The following FRMD6 variants were observed in gnomAD, a reference collection of about 807,000 sequenced individuals.
FRMD6 encodes the protein FERM domain-containing protein 6.
FRMD6 carries 37 observed loss-of-function variants against 73.2 expected under a neutral mutation model. The observed-to-expected ratio is 0.51, with a 90% CI of 0.39 to 0.66. The LOEUF (loss-of-function observed/expected upper bound fraction) is 0.66. Ranked by LOEUF, FRMD6 falls within the 30% of genes least tolerant of loss-of-function variation. The pLI is 0.00. For missense variants in FRMD6, 714 were observed against 780.5 expected, an observed-to-expected ratio of 0.91 and a Z score of 1.02; for synonymous variants, 273 against 282.2, an observed-to-expected ratio of 0.97 and a Z score of 0.33.
At chr14:51,618,701 C>T (rs1315774144) in intron 2 of FRMD6, among the ~76,000 whole-genome samples, 1 of 151,924 alleles carries the variant, frequency 6.6e-6, no homozygotes, top group Admixed American at 6.6e-5. Flanking sequence ...TGGAGTAGCC[C>T]CTGGCTAAAA....
At chr14:51,647,195 A>G (rs190538805), upstream of FRMD6, among the ~76,000 whole-genome samples, 1 of 152,206 alleles carries the variant, frequency 6.6e-6, no homozygotes, top group Non-Finnish European at 1.5e-5. Flanking sequence ...AGGAGAATAG[A>G]ATTTAATGAA....
chr14:51,398,430 C>G, the FRMD6 span, among the ~76,000 whole-genome samples: 2 of 152,114 alleles, frequency 1.3e-5, no homozygotes, highest in African/African-American at 4.8e-5. Flanking sequence ...ATGCTCTTAG[C>G]AACTTACTCA....
chr14:51,686,255 C>G (rs78357359), intron 1 of FRMD6, among the ~76,000 whole-genome samples: 2 of 152,024 alleles, frequency 1.3e-5, no homozygotes, highest in East Asian at 3.8e-4. Context: ...CCCAGTTTCC[C>G]CTGTTGCTAA....
chr14:51,701,821 G>A (rs763749603), intron 4 of FRMD6, among the ~76,000 whole-genome samples: 50 of 151,736 alleles, frequency 3.3e-4, no homozygotes, highest in Non-Finnish European at 5.0e-4. Context: ...CAAAATTGCT[G>A]TTCTAGAAGT....
chr14:51,416,747 G>C, the FRMD6 span, among the ~76,000 whole-genome samples: 1 of 152,224 alleles, frequency 6.6e-6, no homozygotes, highest in Non-Finnish European at 1.5e-5. Context: ...AATACTGACA[G>C]TGGGGTGTTA....
intron 2 of FRMD6, among the ~76,000 whole-genome samples, chr14:51,696,482 A>G (rs1370853089): frequency 2.0e-5 from 3 of 151,852 alleles, no homozygotes; most frequent in Admixed American, 1.3e-4. Flanking sequence ...CTATCAGTTA[A>G]CTTTTGACTT....
chr14:51,728,298 A>C lies in FRMD6; in HGVS notation c.*269A>C, dbSNP rs566413625. The C allele has an allele frequency of 2.6e-6, 1 of 385,832 alleles. No individual in the cohort carries two copies. The highest frequency in any genetic ancestry group is 4.1e-5 in the East Asian group (1 of 24,202). 23.9% of individuals were successfully genotyped at this position (385,832 alleles called of 1,614,324 possible). On this transcript the variant is annotated 3_prime_UTR_variant, in exon 14 of 14. Transcript: ENST00000344768. ...AAGGAAATGCGCTTTACTGATTGCAAAGCCTTCAGAATATTGGAGTGTGGT... is the reference window on the plus strand; with the variant it reads ...AAGGAAATGCGCTTTACTGATTGCACAGCCTTCAGAATATTGGAGTGTGGT...
At chr14:51,623,459 T>A (rs1891005462) in intron 2 of FRMD6, among the ~76,000 whole-genome samples, 1 of 152,232 alleles carries the variant, frequency 6.6e-6, no homozygotes, top group Non-Finnish European at 1.5e-5. Flanking sequence ...GCTGTAATTC[T>A]GCAAATTACT....
intron 2 of FRMD6, among the ~76,000 whole-genome samples, chr14:51,632,029 C>T (rs1180816299): frequency 6.6e-6 from 1 of 152,168 alleles, no homozygotes; most frequent in Non-Finnish European, 1.5e-5. Context: ...GAGGGAGGGA[C>T]CTGGTGGGAG....
intron 1 of FRMD6, among the ~76,000 whole-genome samples, chr14:51,558,293 C>G (rs1887265686): frequency 6.6e-6 from 1 of 151,950 alleles, no homozygotes. Context: ...CATGGCGAAA[C>G]CCTGTCTCTA....
intron 1 of FRMD6, among the ~76,000 whole-genome samples, chr14:51,519,203 C>A (rs552494392): frequency 3.5e-5 from 4 of 115,672 alleles, no homozygotes; most frequent in African/African-American, 1.0e-4. Flanking sequence ...CTCACTCTGT[C>A]GCCCAGGCTG....
chr14:51,466,758 T>C, the FRMD6 span, among the ~76,000 whole-genome samples: 1 of 152,226 alleles, frequency 6.6e-6, no homozygotes, highest in African/African-American at 2.4e-5. Context: ...ATGAAGCTTA[T>C]CAATTTCTAT....
At chr14:51,681,544 T>G (rs1894798205) in intron 1 of FRMD6, among the ~76,000 whole-genome samples, 1 of 152,128 alleles carries the variant, frequency 6.6e-6, no homozygotes, top group Admixed American at 6.6e-5. Context: ...GTGGGAAGTG[T>G]CTGAGCTTGG....
chr14:51,698,026 A>G (rs1045144260), intron 2 of FRMD6, 116 bp from the exon 3 acceptor site: 1 of 654,096 alleles, frequency 1.5e-6, no homozygotes, highest in Non-Finnish European at 2.7e-6. Context: ...GTTGTTTTCT[A>G]CTGTCAGCTT....
intron 2 of FRMD6, among the ~76,000 whole-genome samples, chr14:51,622,624 C>T (rs1890966366): frequency 6.6e-6 from 1 of 152,162 alleles, no homozygotes; most frequent in Admixed American, 6.5e-5. Flanking sequence ...CCCTAACCAA[C>T]CCCCAACACA....
At chr14:51,474,309 G>A in the FRMD6 span, among the ~76,000 whole-genome samples, 1 of 152,200 alleles carries the variant, frequency 6.6e-6, no homozygotes, top group Admixed American at 6.5e-5. Flanking sequence ...AACTCTGAAA[G>A]ACAAAGCAGT....
At chr14:51,457,340 A>T in the FRMD6 span, among the ~76,000 whole-genome samples, 1 of 152,184 alleles carries the variant, frequency 6.6e-6, no homozygotes, top group Non-Finnish European at 1.5e-5. Context: ...ATCATCAAGT[A>T]TATGATGACT....
At chr14:51,430,221 A>G in the FRMD6 span, among the ~76,000 whole-genome samples, 1 of 152,172 alleles carries the variant, frequency 6.6e-6, no homozygotes, top group Non-Finnish European at 1.5e-5. Context: ...GTCAACAACA[A>G]ATCCCTCTGT....
At chr14:51,638,909 T>C (rs147288792) in intron 2 of FRMD6, among the ~76,000 whole-genome samples, 4 of 152,294 alleles carry the variant, frequency 2.6e-5, no homozygotes, top group African/African-American at 9.6e-5. Context: ...TTGTTCCCAG[T>C]CCTTCCTGTT....
Sources: gnomAD v4.1 joint callset for allele counts (sites outside exome capture counted in the v4.1 genomes callset) on GRCh38, gnomAD v4.1.1 for gene constraint, MANE v1.5 for transcripts, NCBI Gene and HGNC (gene_info 2026-07-23, HGNC 2026-07-21) for gene names.